The following ESCO2 variants were observed in gnomAD, a reference collection of about 807,000 sequenced individuals.
The protein encoded by ESCO2 is N-acetyltransferase ESCO2.
Under a neutral mutation model 61.7 loss-of-function variants are expected in ESCO2, and 51 were observed. The observed-to-expected ratio is 0.83, with a 90% CI of 0.66 to 1.04. ESCO2 has a LOEUF of 1.04. Among genes scored for constraint, ESCO2 ranks in the 50% least tolerant of loss-of-function variants. ESCO2 has a pLI of 0.00. For missense variants in ESCO2, 692 were observed against 686.2 expected, an observed-to-expected ratio of 1.01 and a Z score of -0.09; for synonymous variants, 230 against 238.2, an observed-to-expected ratio of 0.97 and a Z score of 0.32.
intron 9 of ESCO2, among the ~76,000 whole-genome samples, chr8:27,797,291 G>T (rs1805321114): frequency 6.6e-6 from 1 of 152,062 alleles, no homozygotes; most frequent in Non-Finnish European, 1.5e-5. Context: ...ATTTACAACT[G>T]TTTTATCTTA....
chr8:27,790,466 C>A (rs1442840678), intron 7 of ESCO2, among the ~76,000 whole-genome samples: 1 of 152,158 alleles, frequency 6.6e-6, no homozygotes, highest in African/African-American at 2.4e-5. Context: ...TTAACAGATT[C>A]ATCTATATAT....
Position 27,776,923 on chromosome 8 carries a change from C to T in ESCO2, c.615C>T (p.Leu205=). 6.2e-7 allele frequency: 1 copy of T among 1,614,154 alleles called. No homozygotes were observed. The highest frequency in any genetic ancestry group is 8.5e-7 in the Non-Finnish European group (1 of 1,180,032). Residue 205 remains leucine, a synonymous_variant, in exon 3 of 11, where the codon CTC becomes CTT. Coordinates refer to ENST00000305188, the MANE Select transcript of ESCO2 (RefSeq NM_001017420.3). The part of the protein sequence containing the change: ...LSQKIKPQVT[L]QGGAAFFVRK... ...AAAAAATAAAACCACAAGTTACACTCCAGGGTGGAGCAGCATTTTTTGTTA... is the reference window on the plus strand; with the variant it reads ...AAAAAATAAAACCACAAGTTACACTTCAGGGTGGAGCAGCATTTTTTGTTA...
upstream of ESCO2, among the ~76,000 whole-genome samples, chr8:27,773,311 A>G (rs1585386623): frequency 6.6e-6 from 1 of 152,316 alleles, no homozygotes; most frequent in East Asian, 1.9e-4. Context: ...ATAGTTTAAC[A>G]ATGTCTAGCC....
Position 27,777,148 on chromosome 8 carries a change from AAAT to A in ESCO2, c.843_845del (p.Asn281del). The A allele has an allele frequency of 1.3e-6, 2 of 1,599,754 alleles. No homozygotes were observed. The highest frequency in any genetic ancestry group is 1.7e-6 in the Non-Finnish European group (2 of 1,176,762). ...TTGGACTACTGAGTGCAAGCAGTAA[AAAT>A]AAAGAGAAATTAATAAAGGTAAAGC... On this transcript the variant is annotated inframe_deletion, in exon 3 of 11. Coordinates refer to ENST00000305188, the MANE Select transcript of ESCO2 (RefSeq NM_001017420.3).
intron 10 of ESCO2, among the ~76,000 whole-genome samples, chr8:27,802,344 C>G (rs1326564246): frequency 3.3e-5 from 5 of 150,626 alleles, no homozygotes; most frequent in African/African-American, 1.2e-4. Flanking sequence ...GCCTGTAATC[C>G]CTGTACTTTG....
intron 4 of ESCO2, 131 bp downstream of exon 4, chr8:27,780,398 A>T (rs1804900516): frequency 1.5e-6 from 1 of 663,446 alleles, no homozygotes; most frequent in East Asian, 2.8e-5. Flanking sequence ...ATCTTTGTTT[A>T]TCTCTGTGAC....
At chr8:27,809,412 C>T (rs913149587), downstream of ESCO2, among the ~76,000 whole-genome samples, 1 of 152,088 alleles carries the variant, frequency 6.6e-6, no homozygotes, top group Non-Finnish European at 1.5e-5. Context: ...TTTTAAAATT[C>T]TGTCTACACC....
downstream of ESCO2, chr8:27,810,245 A>G: frequency 1.8e-6 from 2 of 1,124,120 alleles, no homozygotes; most frequent in South Asian, 1.3e-5. Context: ...GATAGTAACT[A>G]TGTAAATATT....
intron 4 of ESCO2, among the ~76,000 whole-genome samples, chr8:27,783,059 A>G (rs141032287): frequency 1.3e-5 from 2 of 152,104 alleles, no homozygotes; most frequent in African/African-American, 4.8e-5. Flanking sequence ...TATCAAATGT[A>G]TAGAATTACG....
intron 5 of ESCO2, among the ~76,000 whole-genome samples, chr8:27,785,337 G>T (rs1466609454): frequency 1.3e-5 from 2 of 152,172 alleles, no homozygotes; most frequent in Non-Finnish European, 2.9e-5. Context: ...ATGAACTTTG[G>T]GGGACGTGTT....
chr8:27,792,043 T>C lies in ESCO2; in HGVS notation c.1344T>C (p.Ala448=), dbSNP rs1402053696. 3 of 1,614,122 alleles carry C rather than the reference T, an allele frequency of 1.9e-6. 1 individual carries two copies. Among genetic ancestry groups the C allele is most frequent in the African/African-American group, 1.3e-5 (1 of 75,058 alleles). ...TTCTGCCACATGATCCAAGCTTTGC[T>C]ATCAAAAAGGTATGGAACATTATCT... ...VLVLPHDPSF[A]IKKVEDVQEL... The change falls in exon 8 of 11, where the codon GCT becomes GCC. Residue 448 remains alanine (A), a synonymous_variant. Coordinates refer to ENST00000305188, the MANE Select transcript of ESCO2 (RefSeq NM_001017420.3).
At chr8:27,792,161 T>A in intron 8 of ESCO2, 109 bp downstream of exon 8, 1 of 993,732 alleles carries the variant, frequency 1.0e-6, no homozygotes, top group Non-Finnish European at 1.6e-6. Context: ...GGGTACCTGC[T>A]TAATGATTAC....
At chr8:27,782,365 G>A (rs1031649380) in intron 4 of ESCO2, among the ~76,000 whole-genome samples, 3 of 152,072 alleles carry the variant, frequency 2.0e-5, no homozygotes, top group Non-Finnish European at 4.4e-5. Context: ...GGGTTCTAGC[G>A]ATTCTCTTAC....
At chr8:27,792,915 T>C in intron 9 of ESCO2, 104 bp downstream of exon 9, 1 of 1,225,710 alleles carries the variant, frequency 8.2e-7, no homozygotes, top group Non-Finnish European at 1.1e-6. Flanking sequence ...ATGACACTCT[T>C]CCTACTGAAA....
At chr8:27,777,645 C>G (rs967701968) in intron 3 of ESCO2, 20 of 153,046 alleles carry the variant, frequency 1.3e-4, no homozygotes, top group Non-Finnish European at 2.0e-4. Flanking sequence ...CTGGTGGCTA[C>G]CATATTAGAC....
chr8:27,774,806 G>T (rs1804748990), intron 1 of ESCO2, 199 bp downstream of exon 1: 1 of 152,262 alleles, frequency 6.6e-6, no homozygotes, highest in Admixed American at 6.5e-5. Context: ...CGACGCCGGC[G>T]TTTCCTTGTT....
chr8:27,785,577 G>C (rs1019900756), intron 5 of ESCO2, among the ~76,000 whole-genome samples: 1 of 151,730 alleles, frequency 6.6e-6, no homozygotes, highest in Non-Finnish European at 1.5e-5. Flanking sequence ...GGGCATGCCT[G>C]TAATCCCAGC....
chr8:27,790,263 A>G (rs1262673998), intron 7 of ESCO2, among the ~76,000 whole-genome samples: 1 of 152,210 alleles, frequency 6.6e-6, no homozygotes, highest in Admixed American at 6.5e-5. Flanking sequence ...TATCCTTTAT[A>G]TATTTTGAAT....
downstream of ESCO2, among the ~76,000 whole-genome samples, chr8:27,805,996 T>C (rs1805555392): frequency 6.6e-6 from 1 of 152,182 alleles, no homozygotes; most frequent in East Asian, 1.9e-4. Context: ...AATGGCTCAT[T>C]CTAGGGATAG....
Sources: gnomAD v4.1 joint callset for allele counts (sites outside exome capture counted in the v4.1 genomes callset) on GRCh38, gnomAD v4.1.1 for gene constraint, MANE v1.5 for transcripts, NCBI Gene and HGNC (gene_info 2026-07-23, HGNC 2026-07-21) for gene names.